HDAC9: variants seen among roughly 807,000 people sequenced by gnomAD.
HDAC9 encodes the protein histone deacetylase 9.
Under a neutral mutation model 139.4 loss-of-function variants are expected in HDAC9, and 41 were observed. The observed-to-expected ratio is 0.29, with a 90% CI of 0.23 to 0.38. The LOEUF is 0.38. HDAC9 is among the 10% of genes least tolerant of loss of function. The pLI is 1.00. For missense variants in HDAC9, 1,147 were observed against 1,297.0 expected (o/e 0.88, Z 1.78); for synonymous variants, 517 against 476.2 (o/e 1.09, Z -1.12).
chr7:18,860,134 A>AT (rs1798000374), intron 21 of HDAC9, among the ~76,000 whole-genome samples: 1 of 151,740 alleles, frequency 6.6e-6, no homozygotes, highest in Non-Finnish European at 1.5e-5. Context: ...CTCTTTAGGG[A>AT]TTTTTTGGAT....
chr7:18,678,882 T>C (rs1406965038), intron 12 of HDAC9, among the ~76,000 whole-genome samples: 84 of 151,966 alleles, frequency 5.5e-4, no homozygotes, highest in Non-Finnish European at 8.8e-5. Flanking sequence ...CATTCAAGGC[T>C]TGTGTTAAAG....
chr7:18,179,810 A>G (rs1355928028), intron 2 of HDAC9, among the ~76,000 whole-genome samples: 1 of 152,192 alleles, frequency 6.6e-6, no homozygotes, highest in Non-Finnish European at 1.5e-5. Flanking sequence ...TATGTCATGA[A>G]TTTGTTATGT....
At chr7:18,877,167 T>C (rs1585204599) in intron 22 of HDAC9, among the ~76,000 whole-genome samples, 1 of 152,284 alleles carries the variant, frequency 6.6e-6, no homozygotes, top group African/African-American at 2.4e-5. Context: ...CATGGAAGCC[T>C]GAGTTTCTCA....
chr7:18,857,549 G>T, intron 21 of HDAC9, among the ~76,000 whole-genome samples: 1 of 151,876 alleles, frequency 6.6e-6, no homozygotes. Flanking sequence ...GTAGTTTCTA[G>T]AGTAATTATT....
intron 1 of HDAC9, among the ~76,000 whole-genome samples, chr7:18,376,918 G>A (rs187385411): frequency 4.1e-4 from 63 of 152,124 alleles, no homozygotes; most frequent in Non-Finnish European, 7.5e-4. Flanking sequence ...TCCAGTTTAT[G>A]TTATTTTATT....
At chr7:18,510,747 C>T (rs1378908431) in intron 2 of HDAC9, among the ~76,000 whole-genome samples, 1 of 151,968 alleles carries the variant, frequency 6.6e-6, no homozygotes, top group Non-Finnish European at 1.5e-5. Context: ...AAGGAGTTAA[C>T]ATAGTGAGAT....
rs183868185 is a variant in HDAC9, at chr7:18,969,115, C to T, written c.3023-6691C>T. 1.8e-3 allele frequency among the ~76,000 whole-genome samples: 267 copies of T among 152,054 alleles called. 2 individuals carry two copies. The highest frequency in any genetic ancestry group is 2.5e-3 in the Non-Finnish European group (169 of 67,974). ...AGAGTGCTGCATGTACAGGAGTTTC[C>T]TTAATGTTTCATTTGAATAATTTTC... is the stretch of plus-strand genomic sequence containing the variant. On this transcript the variant is annotated intron_variant, in intron 24 of 25. Coordinates refer to ENST00000686413, the MANE Select transcript of HDAC9 (RefSeq NM_178425.4).
intron 2 of HDAC9, among the ~76,000 whole-genome samples, chr7:18,560,974 A>G (rs1176394024): frequency 2.6e-5 from 4 of 152,156 alleles, no homozygotes; most frequent in Non-Finnish European, 4.4e-5. Flanking sequence ...TTATTAAGAC[A>G]CTGGCGCCTT....
intron 1 of HDAC9, among the ~76,000 whole-genome samples, chr7:18,470,560 A>C (rs1472054362): frequency 6.6e-6 from 1 of 152,184 alleles, no homozygotes; most frequent in African/African-American, 2.4e-5. Context: ...AGGAGTTGGC[A>C]AACGTTTTCT....
At chr7:18,519,750 T>A (rs1157189334) in intron 2 of HDAC9, among the ~76,000 whole-genome samples, 1 of 152,128 alleles carries the variant, frequency 6.6e-6, no homozygotes, top group Non-Finnish European at 1.5e-5. Context: ...ACTTAATTGG[T>A]ATACAGAAAT....
chr7:18,953,056 T>G (rs1225363890), intron 23 of HDAC9, among the ~76,000 whole-genome samples: 3 of 151,994 alleles, frequency 2.0e-5, no homozygotes, highest in African/African-American at 4.8e-5. Flanking sequence ...GAGGGGAAGA[T>G]TCACTCACAT....
At chr7:18,128,016 A>G (rs1025604958) in intron 1 of HDAC9, among the ~76,000 whole-genome samples, 9 of 152,212 alleles carry the variant, frequency 5.9e-5, no homozygotes, top group Admixed American at 3.3e-4. Flanking sequence ...TTACAATACA[A>G]TTTTTATTTC....
intron 16 of HDAC9, among the ~76,000 whole-genome samples, chr7:18,768,561 G>T (rs2064240004): frequency 6.6e-6 from 1 of 152,162 alleles, no homozygotes; most frequent in African/African-American, 2.4e-5. Flanking sequence ...CAGAGGATAA[G>T]CTGACTTTTA....
At chr7:18,780,853 G>T (rs903670032) in intron 16 of HDAC9, among the ~76,000 whole-genome samples, 1 of 151,994 alleles carries the variant, frequency 6.6e-6, no homozygotes, top group Non-Finnish European at 1.5e-5. Context: ...ACTTGCACTA[G>T]CCCATTGTGT....
intron 1 of HDAC9, among the ~76,000 whole-genome samples, chr7:18,454,852 G>A (rs1369516349): frequency 6.6e-6 from 1 of 151,834 alleles, no homozygotes; most frequent in African/African-American, 2.4e-5. Context: ...CTTTGTAAAG[G>A]AAAACATCAT....
chr7:18,975,852 T>C lies in HDAC9; in HGVS notation c.3069T>C (p.Cys1023=). Residue 1023 remains cysteine, a synonymous_variant, in exon 25 of 26, where the codon TGT becomes TGC. Transcript: ENST00000686413. ...GGATGGTGGCTGTGCCAAGGGGCTG[T>C]GCTCTGGCTGGTGCTCAGTTGCAAG... is the stretch of plus-strand genomic sequence containing the variant. ...SVRMVAVPRG[C]ALAGAQLQEE... 6.2e-7 allele frequency: 1 copy of C among 1,613,902 alleles called. No homozygotes were observed. The highest frequency in any genetic ancestry group is 1.1e-5 in the South Asian group (1 of 91,080).
intron 2 of HDAC9, among the ~76,000 whole-genome samples, chr7:18,186,117 C>T (rs1213415326): frequency 1.3e-5 from 2 of 152,200 alleles, no homozygotes; most frequent in Non-Finnish European, 2.9e-5. Flanking sequence ...GCCTTAGAGA[C>T]TTGCCTAGCT....
At chr7:18,686,630 A>C (rs1340719276) in intron 12 of HDAC9, among the ~76,000 whole-genome samples, 1 of 151,978 alleles carries the variant, frequency 6.6e-6, no homozygotes, top group Non-Finnish European at 1.5e-5. Context: ...ATATCTAGAG[A>C]AACACGAATT....
intron 6 of HDAC9, among the ~76,000 whole-genome samples, chr7:18,614,792 T>A (rs1838138128): frequency 6.6e-6 from 1 of 152,200 alleles, no homozygotes; most frequent in African/African-American, 2.4e-5. Context: ...CCCTCCAGAA[T>A]CTGAATTCAG....
Sources: gnomAD v4.1 joint callset for allele counts (sites outside exome capture counted in the v4.1 genomes callset) on GRCh38, gnomAD v4.1.1 for gene constraint, MANE v1.5 for transcripts, NCBI Gene and HGNC (gene_info 2026-07-23, HGNC 2026-07-21) for gene names.